The following EIF3G variants were observed in gnomAD, a reference collection of about 807,000 sequenced individuals.
The protein encoded by EIF3G is eukaryotic translation initiation factor 3 RNA-binding subunit.
In EIF3G, 10 loss-of-function variants were observed where a neutral mutation model predicts 41.7. The ratio of observed to expected loss-of-function variants is 0.24; its 90% confidence interval spans 0.15 to 0.41. The LOEUF is 0.41. EIF3G is among the 10% of genes least tolerant of loss of function. The pLI is 1.00. For missense variants in EIF3G, 297 were observed against 444.0 expected (o/e 0.67, Z 2.98); for synonymous variants, 204 against 172.5 (o/e 1.18, Z -1.43).
intron 5 of EIF3G, 28 bp from the exon 6 acceptor site, chr19:10,117,216 T>C (rs369393027): frequency 1.1e-5 from 17 of 1,559,628 alleles, no homozygotes; most frequent in South Asian, 3.5e-5. Flanking sequence ...TGGGGGACAG[T>C]TGAGGGCAGG....
At chr19:10,117,887 T>G (rs998409247) in intron 5 of EIF3G, among the ~76,000 whole-genome samples, 15 of 151,976 alleles carry the variant, frequency 9.9e-5, no homozygotes, top group African/African-American at 3.6e-4. Context: ...AAACCCCATC[T>G]CTACAAACAA....
Position 10,116,755 on chromosome 19 carries a change from G to T in EIF3G, c.595+45C>A. 6.6e-7 allele frequency: 1 copy of T among 1,520,490 alleles called. No individual in the cohort carries two copies. The highest frequency in any genetic ancestry group is 8.8e-7 in the Non-Finnish European group (1 of 1,131,398). The allele number at this position is 1,520,490 out of a possible 1,614,324, so 94.2% of individuals were successfully genotyped here. On this transcript the variant is annotated intron_variant, in intron 7 of 10. Transcript: ENST00000253108. This position sits in a 1 kb window ranked among gnomAD's most constrained non-coding sequence, Gnocchi z 4.1. Reference sequence around the variant, plus strand: ...GATGACAGCACGAAGGCAGCAGTGGGGACAGAACCCGTGCACTGACAGCAG... The same window carrying T: ...GATGACAGCACGAAGGCAGCAGTGGTGACAGAACCCGTGCACTGACAGCAG...
In EIF3G at chr19:10,115,229, T is replaced by C. The variant is rs979592130; in HGVS notation, c.948-100A>G. 1.1e-5 allele frequency: 16 copies of C among 1,473,208 alleles called. No individual in the cohort carries two copies. The South Asian group carries it at 1.1e-4, about 10-fold the overall frequency. 91.3% of individuals were successfully genotyped at this position (1,473,208 alleles called of 1,614,324 possible). On this transcript the variant is annotated intron_variant, in intron 10 of 10. Coordinates refer to ENST00000253108, the MANE Select transcript of EIF3G (RefSeq NM_003755.5). ...GGGGGTGGGTGGGCAGAGGACGGGG[T>C]AATGTGAGGACGAAGCGGGCACGGA... is the stretch of plus-strand genomic sequence containing the variant.
In EIF3G at chr19:10,116,292, G is replaced by A. The variant is rs778239368; in HGVS notation, c.596-218C>T. 85 of 593,740 alleles carry A rather than the reference G, an allele frequency of 1.4e-4. No homozygotes were observed. The highest frequency in any genetic ancestry group is 2.6e-4 in the South Asian group (13 of 49,854). 36.8% of individuals were successfully genotyped at this position (593,740 alleles called of 1,614,324 possible). On this transcript the variant is annotated intron_variant, in intron 7 of 10. Coordinates refer to ENST00000253108, the MANE Select transcript of EIF3G (RefSeq NM_003755.5). The surrounding 1 kb of genome is among the most constrained non-coding windows in gnomAD (Gnocchi z 4.1). Reference sequence around the variant, plus strand: ...CACTGGTGGAGGAGGAGGAGGAGGAGCCCCGACCCCACCCCAGAGAGGGCG... The same window carrying A: ...CACTGGTGGAGGAGGAGGAGGAGGAACCCCGACCCCACCCCAGAGAGGGCG...
chr19:10,116,121 G>A lies in EIF3G; in HGVS notation c.596-47C>T, dbSNP rs370284576. 5.5e-5 allele frequency: 87 copies of A among 1,575,854 alleles called. No individual in the cohort carries two copies. Among genetic ancestry groups the A allele is most frequent in the Middle Eastern group, 1.7e-4 (1 of 6,012 alleles). On this transcript the variant is annotated intron_variant, in intron 7 of 10. Coordinates refer to ENST00000253108, the MANE Select transcript of EIF3G (RefSeq NM_003755.5). The surrounding 1 kb of genome is among the most constrained non-coding windows in gnomAD (Gnocchi z 4.1). ...AGTTCAACCTCACTGTGGCGCAGGC[G>A]TGGGGACAGAGCCGCCCCAGGAAGC...
At position 10,116,412 on chromosome 19, in the gene EIF3G, C is replaced by CCACGCGACAAGTGCA; in HGVS notation, c.596-339_596-338insTGCACTTGTCGCGTG. The CCACGCGACAAGTGCA allele has an allele frequency of 2.0e-6, 1 of 496,158 alleles. No homozygotes were observed. The highest frequency in any genetic ancestry group is 3.6e-6 in the Non-Finnish European group (1 of 274,642). 30.7% of individuals were successfully genotyped at this position (496,158 alleles called of 1,614,324 possible). A position where few individuals can be genotyped will look rare whatever the true frequency, so the allele number is the denominator to read the frequency against. ...GCCCAGGTCCCCCTCGCGTGGCAGG[C>CCACGCGACAAGTGCA]GACAAGTGCACGTCTGCACTCTCAC... is the stretch of plus-strand genomic sequence containing the variant. On this transcript the variant is annotated intron_variant, in intron 7 of 10. Coordinates refer to ENST00000253108, the MANE Select transcript of EIF3G (RefSeq NM_003755.5). The surrounding 1 kb of genome is among the most constrained non-coding windows in gnomAD (Gnocchi z 4.1).
In EIF3G at chr19:10,115,735, G is replaced by C; in HGVS notation, c.789C>G (p.Gly263=). 2 of 1,614,210 alleles carry C rather than the reference G, an allele frequency of 1.2e-6. No individual in the cohort carries two copies. Among genetic ancestry groups the C allele is most frequent in the Non-Finnish European group, 1.7e-6 (2 of 1,180,040 alleles). ...TDLQELFRPF[G]SISRIYLAKD... ...TAGCCAGGTAGATGCGGGAGATGGA[G>C]CCGAAAGGCCGGAAGAGCTCCTGCA... The change falls in exon 9 of 11, where the codon GGC becomes GGG. Residue 263 remains glycine, a synonymous_variant. Coordinates refer to ENST00000253108, the MANE Select transcript of EIF3G (RefSeq NM_003755.5).
intron 10 of EIF3G, 93 bp downstream of exon 10, chr19:10,115,386 T>TA: frequency 7.1e-7 from 1 of 1,411,842 alleles, no homozygotes; most frequent in Non-Finnish European, 9.7e-7. Context: ...GGGGGACTGT[T>TA]AAATTGGCTC....
intron 2 of EIF3G, 84 bp downstream of exon 2, chr19:10,119,570 G>A (rs2089288754): frequency 6.7e-7 from 1 of 1,487,560 alleles, no homozygotes; most frequent in Admixed American, 2.0e-5. Context: ...GGGGTACACG[G>A]TGCCAGACTG....
chr19:10,118,759 C>G (rs1038641993), intron 4 of EIF3G, 32 bp from the exon 5 acceptor site: 45 of 1,613,084 alleles, frequency 2.8e-5, no homozygotes, highest in Non-Finnish European at 3.6e-5. Context: ...GGTCAGGCTC[C>G]TGGGACCAAG....
At chr19:10,119,002 G>C (rs1568496744) in intron 3 of EIF3G, 46 bp from the exon 4 acceptor site, 1 of 1,613,744 alleles carries the variant, frequency 6.2e-7, no homozygotes, top group Non-Finnish European at 8.5e-7. Flanking sequence ...CTGGGTCATG[G>C]GGATCAGGAG....
chr19:10,116,148 CGG>C lies in EIF3G; in HGVS notation c.596-76_596-75del. The C allele has an allele frequency of 6.8e-7, 1 of 1,467,270 alleles. No individual in the cohort carries two copies. Among genetic ancestry groups the C allele is most frequent in the Non-Finnish European group, 9.3e-7 (1 of 1,073,250 alleles). 90.9% of individuals were successfully genotyped at this position (1,467,270 alleles called of 1,614,324 possible). A position where few individuals can be genotyped will look rare whatever the true frequency, so the allele number is the denominator to read the frequency against. The stretch of plus-strand genomic sequence containing the variant: ...GGGGACAGAGCCGCCCCAGGAAGCT[CGG>C]GCTTCAGTGTTGAGCCAGCGCAGGC... On this transcript the variant is annotated intron_variant, in intron 7 of 10. Coordinates refer to ENST00000253108, the MANE Select transcript of EIF3G (RefSeq NM_003755.5). The surrounding 1 kb of genome is among the most constrained non-coding windows in gnomAD (Gnocchi z 4.1).
At chr19:10,117,262 T>A in intron 5 of EIF3G, 74 bp from the exon 6 acceptor site, 1 of 1,085,554 alleles carries the variant, frequency 9.2e-7, no homozygotes, top group Non-Finnish European at 1.3e-6. Flanking sequence ...GCCCTAGACC[T>A]ACAACAGCCA....
intron 2 of EIF3G, 160 bp downstream of exon 2, chr19:10,119,494 G>A (rs1349296707): frequency 2.1e-6 from 2 of 937,966 alleles, no homozygotes; most frequent in Admixed American, 2.0e-5. Context: ...ACCCGCCGGG[G>A]AACACCTGGA....
At position 10,116,833 on chromosome 19, in the gene EIF3G, G is replaced by A. The variant is rs143486896; in HGVS notation, c.562C>T (p.Leu188=). 35 of 1,606,878 alleles carry A rather than the reference G, an allele frequency of 2.2e-5. No individual in the cohort carries two copies. The highest frequency in any genetic ancestry group is 6.7e-5 in the Admixed American group (4 of 59,522). ...MQKELAEQLG[L]STGEKEKLPG... Reference sequence around the variant, plus strand: ...AGCTTCTCCTTCTCGCCAGTAGACAGGCCCAGCTGCTCGGCCAGCTCCTTC... The same window carrying A: ...AGCTTCTCCTTCTCGCCAGTAGACAAGCCCAGCTGCTCGGCCAGCTCCTTC... The change falls in exon 7 of 11, where the codon CTG becomes TTG. Residue 188 remains leucine (L), a synonymous_variant. Transcript: ENST00000253108. This position sits in a 1 kb window ranked among gnomAD's most constrained non-coding sequence, Gnocchi z 4.1.
chr19:10,115,555 C>T lies in EIF3G; in HGVS notation c.871G>A (p.Glu291Lys). The change falls in exon 10 of 11, where the codon GAG (glutamate) becomes AAG (lysine). Residue 291 changes from glutamate (E) to lysine (K), a missense_variant. By Grantham distance (56) the Glu-to-Lys change is moderately conservative. Around this residue, in one of 4 missense-constraint regions of EIF3G, gnomAD observed 91 missense variants for 170.5 expected, o/e 0.53. Coordinates refer to ENST00000253108, the MANE Select transcript of EIF3G (RefSeq NM_003755.5). Reference sequence around the variant, plus strand: ...CCGGCAATGGCACGCGCAGCATCCTCGCGGCGGTGGAAGCTGATGAAGGCA... The same window carrying T: ...CCGGCAATGGCACGCGCAGCATCCTTGCGGCGGTGGAAGCTGATGAAGGCA... ...GFAFISFHRREDAARAIAGVS... is the reference protein window; with the variant it reads ...GFAFISFHRRKDAARAIAGVS... 2 of 1,613,484 alleles carry T rather than the reference C, an allele frequency of 1.2e-6. No individual in the cohort carries two copies. Among genetic ancestry groups the T allele is most frequent in the Non-Finnish European group, 1.7e-6 (2 of 1,179,694 alleles).
chr19:10,119,446 G>A, intron 2 of EIF3G: 1 of 761,380 alleles, frequency 1.3e-6, no homozygotes, highest in East Asian at 2.7e-5. Flanking sequence ...CTCCCTGGAG[G>A]GGAACAGCTG....
chr19:10,117,857 C>A (rs548798227), intron 5 of EIF3G, among the ~76,000 whole-genome samples: 1 of 152,206 alleles, frequency 6.6e-6, no homozygotes, highest in Non-Finnish European at 1.5e-5. Flanking sequence ...GAGCTGGAGA[C>A]CAGCCTGGGC....
chr19:10,115,225 G>T, intron 10 of EIF3G, 96 bp from the exon 11 acceptor site: 2 of 1,491,956 alleles, frequency 1.3e-6, no homozygotes, highest in East Asian at 2.3e-5. Context: ...GGCAGAGGAC[G>T]GGGTAATGTG....
Sources: allele counts gnomAD v4.1 joint callset (sites outside exome capture counted in the v4.1 genomes callset), GRCh38; gene constraint gnomAD v4.1.1; regional missense constraint gnomAD v4.1.1; non-coding constraint Gnocchi (gnomAD v3.1); transcripts MANE v1.5; gene names NCBI Gene and HGNC (gene_info 2026-07-23, HGNC 2026-07-21).